BLTP1: variants seen among roughly 807,000 people sequenced by gnomAD.
BLTP1 encodes fragile site-associated protein.
chr4:122,336,788 C>T, the BLTP1 span: 21 of 1,354,930 alleles, frequency 1.5e-5, no homozygotes, highest in Non-Finnish European at 2.0e-5. Context: ...GTGTTCATAC[C>T]TTTCATCTCA....
chr4:122,238,107 T>C, the BLTP1 span: 8 of 1,613,956 alleles, frequency 5.0e-6, no homozygotes, highest in Middle Eastern at 1.7e-4. Context: ...GTGAATGGCA[T>C]GAAGAGGAAA....
the BLTP1 span, chr4:122,207,769 A>G: frequency 9.7e-7 from 1 of 1,026,172 alleles, no homozygotes; most frequent in Non-Finnish European, 1.3e-6. Context: ...TCCAATGTCT[A>G]CTACCTTTAG....
At chr4:122,238,834 C>T in the BLTP1 span, among the ~76,000 whole-genome samples, 1 of 152,138 alleles carries the variant, frequency 6.6e-6, no homozygotes, top group East Asian at 1.9e-4. Flanking sequence ...CTTTTATAGC[C>T]TGCCCTTTGT....
the BLTP1 span, chr4:122,200,971 T>A: frequency 3.1e-6 from 5 of 1,597,636 alleles, no homozygotes; most frequent in Middle Eastern, 5.0e-4. Flanking sequence ...TGTCACATTT[T>A]AAGCCTTAAT....
the BLTP1 span, chr4:122,247,608 A>G: frequency 3.4e-6 from 4 of 1,187,824 alleles, no homozygotes; most frequent in South Asian, 4.0e-5. Context: ...TCTATTTCCC[A>G]TGTTTCTATT....
At chr4:122,286,565 A>G in the BLTP1 span, 1 of 1,614,062 alleles carries the variant, frequency 6.2e-7, no homozygotes, top group Non-Finnish European at 8.5e-7. Context: ...TTTACATTTG[A>G]GCTGCCAAAT....
At chr4:122,211,969 A>G in the BLTP1 span, 4 of 590,444 alleles carry the variant, frequency 6.8e-6, no homozygotes, top group South Asian at 1.5e-4. Flanking sequence ...CATCACTTTC[A>G]ACAACTTAAG....
chr4:122,349,076 T>A, the BLTP1 span: 1 of 1,178,314 alleles, frequency 8.5e-7, no homozygotes, highest in African/African-American at 1.6e-5. The surrounding 1 kb of genome is among the most constrained non-coding windows in gnomAD (Gnocchi z 4.5). Context: ...ATAATCTGAT[T>A]TAACTCCTTT....
the BLTP1 span, chr4:122,291,860 C>T: frequency 1.0e-6 from 1 of 973,896 alleles, no homozygotes; most frequent in Non-Finnish European, 1.2e-6. Flanking sequence ...TGAGCTTTTG[C>T]TTTTAAATTT....
At chr4:122,227,181 A>C in the BLTP1 span, 24 of 1,007,204 alleles carry the variant, frequency 2.4e-5, no homozygotes, top group Non-Finnish European at 2.8e-5. Flanking sequence ...AGAAGGTTGA[A>C]TTCTTCACAT....
the BLTP1 span, among the ~76,000 whole-genome samples, chr4:122,313,223 A>G: frequency 6.8e-3 from 1,036 of 152,222 alleles, 11 homozygotes; most frequent in African/African-American, 0.024. Context: ...TTAGTTACCA[A>G]AATTCTATTT....
At chr4:122,325,439 G>A in the BLTP1 span, 1 of 1,399,034 alleles carries the variant, frequency 7.1e-7, no homozygotes, top group Non-Finnish European at 9.4e-7. Context: ...AGTATGGATT[G>A]TGATGACTGA....
the BLTP1 span, chr4:122,340,628 G>A: frequency 1.6e-6 from 1 of 630,580 alleles, no homozygotes; most frequent in Non-Finnish European, 2.0e-6. Context: ...GTGAATCTTT[G>A]AAAGTTTTCA....
At chr4:122,331,046 T>A in the BLTP1 span, 14 of 966,836 alleles carry the variant, frequency 1.4e-5, no homozygotes, top group African/African-American at 2.3e-4. Flanking sequence ...AAATGAAATA[T>A]TTTCCAACAT....
chr4:122,302,960 A>G, the BLTP1 span, among the ~76,000 whole-genome samples: 1 of 152,236 alleles, frequency 6.6e-6, no homozygotes, highest in South Asian at 2.1e-4. Context: ...ACCTGTCTTC[A>G]TAACATAAAA....
chr4:122,190,710 A>G, the BLTP1 span, among the ~76,000 whole-genome samples: 1 of 152,168 alleles, frequency 6.6e-6, no homozygotes, highest in Non-Finnish European at 1.5e-5. Context: ...ATCTTAGCTT[A>G]GAAGCTTAGT....
chr4:122,281,925 A>G, the BLTP1 span: 1 of 1,290,088 alleles, frequency 7.8e-7, no homozygotes, highest in Non-Finnish European at 9.8e-7. Flanking sequence ...TTCTCTAGTC[A>G]AGTAAAAATA....
chr4:122,306,064 C>T, the BLTP1 span: 1 of 1,581,110 alleles, frequency 6.3e-7, no homozygotes, highest in Non-Finnish European at 8.6e-7. Flanking sequence ...AAGTCAATCA[C>T]TACTATCCTC....
At chr4:122,334,432 A>G in the BLTP1 span, 9 of 1,613,124 alleles carry the variant, frequency 5.6e-6, no homozygotes, top group South Asian at 1.1e-5. Flanking sequence ...AAAGAGTCCA[A>G]GCTGTATGGT....
Sources: gnomAD v4.1 joint callset for allele counts (sites outside exome capture counted in the v4.1 genomes callset) on GRCh38, gnomAD v4.1.1 for gene constraint, Gnocchi (gnomAD v3.1) non-coding constraint, MANE v1.5 for transcripts, NCBI Gene and HGNC (gene_info 2026-07-23, HGNC 2026-07-21) for gene names.